SLC38A6: variants seen among roughly 807,000 people sequenced by gnomAD.
SLC38A6 encodes the protein N system amino acid transporter NAT-1.
In SLC38A6, 73 loss-of-function variants were observed where a neutral mutation model predicts 65.0. That is an observed-to-expected ratio of 1.12 (90% CI 0.93 to 1.37). The LOEUF is 1.37. Among genes scored for constraint, SLC38A6 ranks in the 40% most tolerant of loss-of-function variants. SLC38A6 has a pLI of 0.00. For missense variants in SLC38A6, 561 were observed against 531.1 expected (o/e 1.06, Z -0.55); for synonymous variants, 183 against 178.8 (o/e 1.02, Z -0.19).
chr14:61,053,518 G>A (rs10148608), downstream of SLC38A6, among the ~76,000 whole-genome samples: 103,453 of 152,016 alleles, frequency 0.68, 35,372 homozygotes, highest in African/African-American at 0.7. Context: ...GTGTATAAAT[G>A]TTCCCTTTTG....
At chr14:61,001,065 G>C (rs146381689) in intron 3 of SLC38A6, among the ~76,000 whole-genome samples, 40 of 152,274 alleles carry the variant, frequency 2.6e-4, no homozygotes, top group Admixed American at 7.8e-4. Context: ...TTGTGTACTT[G>C]TCTCATCCTT....
At position 60,983,813 on chromosome 14, in the gene SLC38A6, A is replaced by G. The variant is rs111412103; in HGVS notation, c.237-917A>G. On this transcript the variant is annotated intron_variant, in intron 2 of 15. Transcript: ENST00000267488. ...TTTTTTTGATTCTCTTTGAAAAATC[A>G]TAATTTATGCACCAGGGTCTTACAT... Among the ~76,000 whole-genome samples, 521 of 152,356 alleles carry G rather than the reference A, an allele frequency of 3.4e-3. 6 individuals are homozygous for G. Among genetic ancestry groups the G allele is most frequent in the African/African-American group, 0.012 (497 of 41,584 alleles).
rs756112668 is a variant in SLC38A6, at chr14:60,982,529, C to T, written c.127C>T (p.Pro43Ser). The T allele has an allele frequency of 1.3e-5, 21 of 1,612,392 alleles. No homozygotes were observed. The Admixed American group carries it at 3.5e-4, about 27-fold the overall frequency. ...ACAGGAACTTCACAGACAGCGATCC[C>T]CAGGTGTTTCATTTGGTTTATCAGT... is the stretch of plus-strand genomic sequence containing the variant. ...LSNELHRQRS[P>S]GVSFGLSVFN... Residue 43 changes from proline (P) to serine (S), a missense_variant, in exon 2 of 16, where the codon CCA becomes TCA. Physicochemically the swap from Pro to Ser is moderately conservative, Grantham distance 74. Transcript: ENST00000267488.
chr14:61,072,771 T>C (rs1488045386), intron 15 of SLC38A6, among the ~76,000 whole-genome samples: 2 of 152,234 alleles, frequency 1.3e-5, no homozygotes, highest in African/African-American at 2.4e-5. Context: ...TCTTTATTCA[T>C]TCATCTGTTG....
chr14:61,077,389 T>C (rs2043459289), intron 15 of SLC38A6, among the ~76,000 whole-genome samples: 1 of 152,230 alleles, frequency 6.6e-6, no homozygotes, highest in African/African-American at 2.4e-5. Flanking sequence ...AGTTGACTCT[T>C]TCCCCAGTCA....
At chr14:60,996,824 A>G (rs1228991238) in intron 3 of SLC38A6, among the ~76,000 whole-genome samples, 1 of 152,194 alleles carries the variant, frequency 6.6e-6, no homozygotes. Flanking sequence ...TGTAAACTAG[A>G]TGACTATAAA....
Position 61,019,559 on chromosome 14 carries a change from A to G in SLC38A6, c.382A>G (p.Ile128Val). 6.2e-7 allele frequency: 1 copy of G among 1,613,464 alleles called. No homozygotes were observed. Among genetic ancestry groups the G allele is most frequent in the South Asian group, 1.1e-5 (1 of 91,040 alleles). ...TTTACAGTTGGTGGTGGCAGGCACC[A>G]TAATAATTCAGAATATTGGAGGTAA... ...LPGKLVVAGT[I>V]IIQNIGAMSS... is the part of the protein sequence containing the mutation. The change falls in exon 5 of 16, where the codon ATA becomes GTA. Residue 128 changes from isoleucine (I) to valine (V), a missense_variant. Coordinates refer to ENST00000267488, the MANE Select transcript of SLC38A6 (RefSeq NM_153811.3).
chr14:61,063,130 A>G (rs530760594), intron 15 of SLC38A6, among the ~76,000 whole-genome samples: 7 of 152,200 alleles, frequency 4.6e-5, no homozygotes, highest in Non-Finnish European at 1.0e-4. Flanking sequence ...TTGTTTTAAG[A>G]AATCAGTGTA....
chr14:60,988,260 T>A (rs2139693908), intron 3 of SLC38A6, among the ~76,000 whole-genome samples: 1 of 152,284 alleles, frequency 6.6e-6, no homozygotes, highest in Non-Finnish European at 1.5e-5. Context: ...TCAACCATCT[T>A]CCTCTCCTTG....
chr14:60,987,879 G>T (rs1021668770), intron 3 of SLC38A6, among the ~76,000 whole-genome samples: 2 of 152,282 alleles, frequency 1.3e-5, no homozygotes, highest in East Asian at 1.9e-4. Flanking sequence ...ACCATTATTT[G>T]CCTTGAGACC....
chr14:61,078,953 T>G (rs192386074), intron 16 of SLC38A6: 165 of 156,472 alleles, frequency 1.1e-3, no homozygotes, highest in African/African-American at 3.6e-3. Flanking sequence ...CCCAGCTAAT[T>G]TTTGTACTTT....
downstream of SLC38A6, among the ~76,000 whole-genome samples, chr14:61,055,102 T>C (rs1488936231): frequency 2.4e-5 from 2 of 84,718 alleles, no homozygotes; most frequent in Admixed American, 1.3e-4. Flanking sequence ...TTTTAAGTCT[T>C]TTTCTTTTTT....
chr14:61,000,992 A>G (rs997160321), intron 3 of SLC38A6, among the ~76,000 whole-genome samples: 1 of 152,270 alleles, frequency 6.6e-6, no homozygotes, highest in African/African-American at 2.4e-5. Flanking sequence ...ATCAGGGATC[A>G]TAGTTCAGTA....
intron 3 of SLC38A6, among the ~76,000 whole-genome samples, chr14:61,013,035 C>G (rs2039699849): frequency 6.6e-6 from 1 of 152,118 alleles, no homozygotes; most frequent in Admixed American, 6.5e-5. Context: ...CTTTGTAGGT[C>G]TCTAAGGACT....
chr14:61,069,010 C>T (rs2043129046), intron 15 of SLC38A6, among the ~76,000 whole-genome samples: 1 of 152,134 alleles, frequency 6.6e-6, no homozygotes, highest in South Asian at 2.1e-4. Flanking sequence ...CTCTTTGTGC[C>T]TGAAGTATTG....
At chr14:61,061,066 A>T (rs2042819953) in intron 15 of SLC38A6, among the ~76,000 whole-genome samples, 1 of 152,014 alleles carries the variant, frequency 6.6e-6, no homozygotes, top group African/African-American at 2.4e-5. Context: ...ATGGAAATGC[A>T]GAAATCACCC....
chr14:61,074,362 T>C (rs2043327433), intron 15 of SLC38A6, among the ~76,000 whole-genome samples: 1 of 152,226 alleles, frequency 6.6e-6, no homozygotes, highest in South Asian at 2.1e-4. Flanking sequence ...AATTTATTTC[T>C]CATAGCTCTG....
At position 61,028,102 on chromosome 14, in the gene SLC38A6, A is replaced by T. The variant is rs143773636; in HGVS notation, c.404-2343A>T. 6.6e-5 allele frequency among the ~76,000 whole-genome samples: 10 copies of T among 152,234 alleles called. No homozygotes were observed. In the East Asian group the frequency reaches 1.5e-3, roughly 23 times the overall value. Reference sequence around the variant, plus strand: ...TACAACAAAGGATAAAAGTGATCAGATGATTAGCCAGGGGCTAATAGAAAT... The same window carrying T: ...TACAACAAAGGATAAAAGTGATCAGTTGATTAGCCAGGGGCTAATAGAAAT... On this transcript the variant is annotated intron_variant, in intron 5 of 15. Transcript: ENST00000267488.
At chr14:61,045,221 A>C in intron 10 of SLC38A6, 125 bp from the exon 11 acceptor site, 7 of 628,984 alleles carry the variant, frequency 1.1e-5, no homozygotes, top group Non-Finnish European at 1.9e-5. Flanking sequence ...TAAAGAGAAG[A>C]CTCATTAAAG....
Sources: allele counts gnomAD v4.1 joint callset (sites outside exome capture counted in the v4.1 genomes callset), GRCh38; gene constraint gnomAD v4.1.1; transcripts MANE v1.5; gene names NCBI Gene and HGNC (gene_info 2026-07-23, HGNC 2026-07-21).